The following ERGIC1 variants were observed in gnomAD, a reference collection of about 807,000 sequenced individuals.
The protein encoded by ERGIC1 is endoplasmic reticulum-Golgi intermediate compartment protein 1.
ERGIC1 carries 19 observed loss-of-function variants against 38.3 expected under a neutral mutation model. The ratio of observed to expected loss-of-function variants is 0.50; its 90% CI spans 0.35 to 0.73. ERGIC1 has a LOEUF of 0.73. Among genes scored for constraint, ERGIC1 ranks in the 30% least tolerant of loss-of-function variants. The probability of loss-of-function intolerance (pLI) is 0.01; values close to 1 mark genes in which losing one functional copy is unlikely to be tolerated. For synonymous variants in ERGIC1, 124 were observed against 157.6 expected (o/e 0.79, Z 1.60); for missense variants, 294 against 389.2 (o/e 0.76, Z 2.06).
At chr5:172,892,060 A>ATTTTTTTTTTGTTTTTTTT (rs372105420) in intron 2 of ERGIC1, among the ~76,000 whole-genome samples, 2 of 125,582 alleles carry the variant, frequency 1.6e-5, no homozygotes, top group Admixed American at 8.5e-5. Flanking sequence ...GTTAAAGAGT[A>ATTTTTTTTTTGTTTTTTTT]TGTTTTTTTT....
chr5:172,892,464 G>A (rs981474390), intron 2 of ERGIC1, among the ~76,000 whole-genome samples: 8 of 152,170 alleles, frequency 5.3e-5, no homozygotes, highest in South Asian at 2.1e-4. Flanking sequence ...CTCCACTTAC[G>A]TGACTGTGTG....
intron 3 of ERGIC1, chr5:172,898,180 T>TC (rs1762772883): frequency 3.3e-6 from 1 of 305,164 alleles, no homozygotes; most frequent in Non-Finnish European, 6.0e-6. Context: ...TTTCTTGGTT[T>TC]CCTTTGCCTC....
chr5:172,948,395 G>T (rs1352903649), intron 9 of ERGIC1, among the ~76,000 whole-genome samples: 3 of 152,236 alleles, frequency 2.0e-5, no homozygotes, highest in Non-Finnish European at 4.4e-5. Flanking sequence ...CTATTAAGGT[G>T]TTCTTGGCTC....
chr5:172,947,876 T>TTGTGTGTGTGTGTG (rs10566172), intron 9 of ERGIC1, among the ~76,000 whole-genome samples: 38 of 145,826 alleles, frequency 2.6e-4, no homozygotes, highest in East Asian at 8.2e-4. Context: ...CAGATGTGTT[T>TTGTGTGTGTGTGTG]TGTGTGTGTG....
intron 3 of ERGIC1, chr5:172,905,446 T>G: frequency 2.1e-6 from 1 of 468,788 alleles, no homozygotes; most frequent in Non-Finnish European, 4.4e-6. Context: ...GCCTCACGGA[T>G]TCCAAGGAAT....
rs1231092237 is a variant in ERGIC1 at position 172,952,216 on chromosome 5, TTTTAAAA to T, written c.*1403_*1409del. On this transcript the variant is annotated 3_prime_UTR_variant, in exon 10 of 10. Coordinates refer to ENST00000393784, the MANE Select transcript of ERGIC1 (RefSeq NM_001031711.3). ...GAAGGGGAGTGTCCAGTGGAAGGAT[TTTTAAAA>T]TTATCTTATGGATAGCTCAAGTCTC... The T allele has an allele frequency of 6.6e-6, 1 of 152,218 alleles. No individual in the cohort carries two copies. Among genetic ancestry groups the T allele is most frequent in the African/African-American group, 2.4e-5 (1 of 41,458 alleles). 9.4% of individuals were successfully genotyped at this position (152,218 alleles called of 1,614,324 possible).
Position 172,935,053 on chromosome 5 carries a change from G to C in ERGIC1, c.643-135G>C, listed in dbSNP as rs562217644. On this transcript the variant is annotated intron_variant, in intron 8 of 9. Transcript: ENST00000393784. ...GGGGAAGGGATGTGAGAGAGGGAGT[G>C]GGGGAGTCTGGCTTCGTGGGGCAGA... The C allele has an allele frequency of 2.5e-5, 32 of 1,270,552 alleles. No homozygotes were observed. In the Admixed American group the frequency reaches 3.3e-4, roughly 13 times the overall value. 78.7% of individuals were successfully genotyped at this position (1,270,552 alleles called of 1,614,324 possible). A position where few individuals can be genotyped will look rare whatever the true frequency, so the allele number is the denominator to read the frequency against.
intron 1 of ERGIC1, among the ~76,000 whole-genome samples, chr5:172,868,468 A>G (rs1416239312): frequency 1.3e-5 from 2 of 152,256 alleles, no homozygotes; most frequent in East Asian, 1.9e-4. Flanking sequence ...GTTCTATACC[A>G]TATGATTTTC....
At chr5:172,876,099 C>T (rs1055360034) in intron 1 of ERGIC1, among the ~76,000 whole-genome samples, 7 of 152,260 alleles carry the variant, frequency 4.6e-5, no homozygotes, top group African/African-American at 1.4e-4. Flanking sequence ...TGGCTTTCTT[C>T]TCTTTGAGAT....
At chr5:172,879,468 C>A (rs1159472380) in intron 1 of ERGIC1, among the ~76,000 whole-genome samples, 2 of 152,216 alleles carry the variant, frequency 1.3e-5, no homozygotes, top group Non-Finnish European at 2.9e-5. Context: ...GGATTTGGCA[C>A]CTTTTTGATT....
chr5:172,847,749 G>A (rs972538075), intron 1 of ERGIC1, among the ~76,000 whole-genome samples: 7 of 152,336 alleles, frequency 4.6e-5, no homozygotes, highest in Non-Finnish European at 1.0e-4. Flanking sequence ...CGTTGACCTC[G>A]TGGTCCACCC....
intron 3 of ERGIC1, among the ~76,000 whole-genome samples, chr5:172,909,168 C>CTTTTTTTTTTTTTTTTTTTTTTTTTTTTT (rs70984920): frequency 1.2e-5 from 1 of 80,840 alleles, no homozygotes; most frequent in African/African-American, 4.7e-5. Context: ...GCCCTCCCCT[C>CTTTTTTTTTTTTTTTTTTTTTTTTTTTTT]TTTTTTTTTT....
rs2113494775 is a variant in ERGIC1 at position 172,834,995 on chromosome 5, G to T, written c.20+562G>T. On this transcript the variant is annotated intron_variant, in intron 1 of 9. Transcript: ENST00000393784. This position sits in a 1 kb window ranked among gnomAD's most constrained non-coding sequence, Gnocchi z 4.1. ...GCCCCAGCCCTGTCCGCTGGGTATG[G>T]GGGCACCATGGGAAGGGGAGGAGGC... 6.6e-6 allele frequency among the ~76,000 whole-genome samples: 1 copy of T among 152,362 alleles called. No homozygotes were observed. Among genetic ancestry groups the T allele is most frequent in the Middle Eastern group, 3.4e-3 (1 of 294 alleles).
At chr5:172,915,786 C>T (rs952119283) in intron 5 of ERGIC1, 1 of 387,342 alleles carries the variant, frequency 2.6e-6, no homozygotes, top group Admixed American at 2.9e-5. Context: ...CCCAGCCAAA[C>T]TGAGCCACTG....
rs73325165 is a variant in ERGIC1 at position 172,891,793 on chromosome 5, C to T, written c.82+3033C>T. Among the ~76,000 whole-genome samples the T allele has an allele frequency of 2.4e-3, 368 of 152,316 alleles. 1 individual carries two copies. Among genetic ancestry groups the T allele is most frequent in the African/African-American group, 8.5e-3 (353 of 41,576 alleles). On this transcript the variant is annotated intron_variant, in intron 2 of 9. Transcript: ENST00000393784. Reference sequence around the variant, plus strand: ...TGTTTGAAACACAAAAGGGAGCATACTCTGCACACTGTTCTTCCCCTGCCT... The same window carrying T: ...TGTTTGAAACACAAAAGGGAGCATATTCTGCACACTGTTCTTCCCCTGCCT...
Position 172,906,571 on chromosome 5 carries a change from G to A in ERGIC1, c.156-3096G>A, listed in dbSNP as rs139824500. ...CGTTCCTTGTGAACAGCATCACACC[G>A]GGTGCTAGGGGCGCAAAGATGTGGT... is the stretch of plus-strand genomic sequence containing the variant. On this transcript the variant is annotated intron_variant, in intron 3 of 9. Coordinates refer to ENST00000393784, the MANE Select transcript of ERGIC1 (RefSeq NM_001031711.3). Among the ~76,000 whole-genome samples the A allele has an allele frequency of 3.2e-3, 485 of 152,228 alleles. 2 individuals carry two copies. Among genetic ancestry groups the A allele is most frequent in the African/African-American group, 0.011 (450 of 41,532 alleles).
At chr5:172,896,967 C>T (rs1458643222) in intron 2 of ERGIC1, 35 bp from the exon 3 acceptor site, 17 of 1,604,726 alleles carry the variant, frequency 1.1e-5, no homozygotes, top group Non-Finnish European at 1.4e-5. Context: ...GTGCCCACCA[C>T]CCTTAACAGT....
At chr5:172,897,165 A>G in intron 3 of ERGIC1, 91 bp downstream of exon 3, 2 of 1,253,890 alleles carry the variant, frequency 1.6e-6, no homozygotes, top group Non-Finnish European at 2.3e-6. Context: ...TTGGTGGCTA[A>G]CACCTGTAAT....
intron 1 of ERGIC1, among the ~76,000 whole-genome samples, chr5:172,864,761 G>A (rs1387365902): frequency 7.3e-6 from 1 of 136,370 alleles, no homozygotes; most frequent in Non-Finnish European, 1.6e-5. Context: ...CTTTTTTTTT[G>A]AGCACCTATT....
Sources: allele counts gnomAD v4.1 joint callset (sites outside exome capture counted in the v4.1 genomes callset), GRCh38; gene constraint gnomAD v4.1.1; non-coding constraint Gnocchi (gnomAD v3.1); transcripts MANE v1.5; gene names NCBI Gene and HGNC (gene_info 2026-07-23, HGNC 2026-07-21).